The following SCYL1 variants were observed in gnomAD, a reference collection of about 807,000 sequenced individuals.
The protein encoded by SCYL1 is SCY1 like pseudokinase 1.
Under a neutral mutation model 94.8 loss-of-function variants are expected in SCYL1, and 85 were observed. The ratio of observed to expected loss-of-function variants is 0.90; its 90% confidence interval spans 0.75 to 1.07. SCYL1 has a LOEUF of 1.07. Ranked by LOEUF, SCYL1 falls within the 50% of genes least tolerant of loss-of-function variation. SCYL1 has a pLI of 0.00. For synonymous variants in SCYL1, 459 were observed against 435.5 expected, an observed-to-expected ratio of 1.05 and a Z score of -0.67; for missense variants, 968 against 1,083.3, an observed-to-expected ratio of 0.89 and a Z score of 1.49.
Position 65,538,473 on chromosome 11 carries a change from G to T in SCYL1, c.2334G>T (p.Lys778Asn). 1 of 1,581,862 alleles carries T rather than the reference G, an allele frequency of 6.3e-7. No individual in the cohort carries two copies. The change falls in exon 18 of 18, where the codon AAG (lysine) becomes AAT (asparagine). Residue 778 changes from lysine to asparagine, a missense_variant. By Grantham distance (94) the Lys-to-Asn change is moderately conservative. Coordinates refer to ENST00000270176, the MANE Select transcript of SCYL1 (RefSeq NM_020680.4). ...RQVKAELARK[K>N]REERRREMEA... ...TCAAGGCTGAGCTGGCCCGGAAGAA[G>T]CGCGAGGAGCGGCGGCGGGAGATGG...
chr11:65,535,014 G>A, intron 9 of SCYL1: 2 of 595,732 alleles, frequency 3.4e-6, no homozygotes, highest in East Asian at 5.7e-5. Context: ...ATGGGAAACA[G>A]GAGTGCAGAC....
intron 13 of SCYL1, 32 bp from the exon 14 acceptor site, chr11:65,536,954 C>T: frequency 6.3e-7 from 1 of 1,586,058 alleles, no homozygotes; most frequent in African/African-American, 1.3e-5. Flanking sequence ...CCCAAGACCC[C>T]CCTGAAAGCT....
At chr11:65,527,818 G>A (rs1489527480) in intron 6 of SCYL1, among the ~76,000 whole-genome samples, 1 of 151,938 alleles carries the variant, frequency 6.6e-6, no homozygotes, top group African/African-American at 2.4e-5. Flanking sequence ...AAACACTTCT[G>A]GTCCCAAACA....
rs979098491 is a variant in SCYL1 at position 65,538,179 on chromosome 11, C to T, written c.2244C>T (p.Thr748=). ...CTACCCTGTCTGCACGTCCCAGCACCCAGGTACCCAGCACAGGTCTGGCGA... is the reference window on the plus strand; with the variant it reads ...CTACCCTGTCTGCACGTCCCAGCACTCAGGTACCCAGCACAGGTCTGGCGA... The part of the protein sequence containing the change: ...PFATLSARPS[T]QPRPDSWGED... The change falls in exon 16 of 18, where the codon ACC becomes ACT. Residue 748 remains threonine (T), a synonymous_variant. Coordinates refer to ENST00000270176, the MANE Select transcript of SCYL1 (RefSeq NM_020680.4). The T allele has an allele frequency of 1.9e-6, 3 of 1,580,916 alleles. No individual in the cohort carries two copies. In the African/African-American group the frequency reaches 4.0e-5, roughly 21 times the overall value.
chr11:65,525,113 C>T lies in SCYL1; in HGVS notation c.-41C>T, dbSNP rs900184068. ...GCCCCGGCTCGGGCGGCCGGAGGAC[C>T]CGGAGCTAAGGCGCCCGAACCCGCG... On this transcript the variant is annotated 5_prime_UTR_variant, in exon 1 of 18. Coordinates refer to ENST00000270176, the MANE Select transcript of SCYL1 (RefSeq NM_020680.4). 6 of 1,269,482 alleles carry T rather than the reference C, an allele frequency of 4.7e-6. No homozygotes were observed. The Admixed American group carries it at 1.7e-4, about 36-fold the overall frequency. The allele number at this position is 1,269,482 out of a possible 1,614,324, so 78.6% of individuals were successfully genotyped here.
intron 9 of SCYL1, among the ~76,000 whole-genome samples, chr11:65,533,544 C>T (rs775303756): frequency 1.3e-5 from 2 of 152,136 alleles, no homozygotes; most frequent in African/African-American, 2.4e-5. Flanking sequence ...TTTGGTAGGC[C>T]GAGGTGGGAG....
intron 6 of SCYL1, 79 bp downstream of exon 6, chr11:65,527,196 A>AT: frequency 6.7e-7 from 1 of 1,499,450 alleles, no homozygotes. Flanking sequence ...GTACCTCACA[A>AT]TTGACCCTCA....
chr11:65,529,724 C>T lies in SCYL1; in HGVS notation c.850-905C>T, dbSNP rs568404089. On this transcript the variant is annotated intron_variant, in intron 6 of 17. Coordinates refer to ENST00000270176, the MANE Select transcript of SCYL1 (RefSeq NM_020680.4). ...ATGACCCCTGCCTGGCCACTCTTGG[C>T]TGCTGACCTTGACCCTCTGTCTCCT... Among the ~76,000 whole-genome samples, 6 of 152,334 alleles carry T rather than the reference C, an allele frequency of 3.9e-5. No individual in the cohort carries two copies. In the South Asian group the frequency reaches 1.2e-3, roughly 32 times the overall value.
At chr11:65,531,473 CA>C (rs1457277735) in intron 7 of SCYL1, 102 bp from the exon 8 acceptor site, 1 of 808,630 alleles carries the variant, frequency 1.2e-6, no homozygotes, top group African/African-American at 1.7e-5. Context: ...CCTCCGCCAT[CA>C]CTTCATTCCC....
chr11:65,530,594 G>A, intron 6 of SCYL1, 35 bp from the exon 7 acceptor site: 4 of 1,594,638 alleles, frequency 2.5e-6, no homozygotes, highest in Non-Finnish European at 3.4e-6. Flanking sequence ...CAACCAGGCT[G>A]ATCTCTTCCC....
Position 65,535,216 on chromosome 11 carries a change from C to A in SCYL1, c.1231-11C>A, listed in dbSNP as rs751081540. Reference sequence around the variant, plus strand: ...CACAGCCCACAGTTCCCACTCATTTCTGCCCCACAGTCCATGCTGCTCCTG... The same window carrying A: ...CACAGCCCACAGTTCCCACTCATTTATGCCCCACAGTCCATGCTGCTCCTG... On this transcript the variant is annotated splice_polypyrimidine_tract_variant and intron_variant, in intron 9 of 17. Transcript: ENST00000270176. 1.2e-6 allele frequency: 2 copies of A among 1,612,744 alleles called. No individual in the cohort carries two copies. The highest frequency in any genetic ancestry group is 1.1e-5 in the South Asian group (1 of 91,056).
At chr11:65,527,905 T>C (rs1361816658) in intron 6 of SCYL1, among the ~76,000 whole-genome samples, 1 of 152,178 alleles carries the variant, frequency 6.6e-6, no homozygotes. Flanking sequence ...ATGTGTGGTA[T>C]AGTGTTCTGT....
intron 7 of SCYL1, among the ~76,000 whole-genome samples, 185 bp from the exon 8 acceptor site, chr11:65,531,391 G>T (rs684686): frequency 0.014 from 2,158 of 152,252 alleles, 34 homozygotes; most frequent in Admixed American, 0.034. Context: ...AGAGGCCTTG[G>T]CCCAGAAAGG....
intron 2 of SCYL1, 92 bp downstream of exon 2, chr11:65,525,806 G>A: frequency 6.3e-7 from 1 of 1,581,894 alleles, no homozygotes; most frequent in South Asian, 1.2e-5. Flanking sequence ...CACCCTATGT[G>A]CCCCAGCACC....
In SCYL1 at chr11:65,538,101, C is replaced by T; in HGVS notation, c.2166C>T (p.Ala722=). The T allele has an allele frequency of 1.9e-6, 3 of 1,604,850 alleles. No homozygotes were observed. Among genetic ancestry groups the T allele is most frequent in the Non-Finnish European group, 1.7e-6 (2 of 1,176,402 alleles). Residue 722 remains alanine (A), a synonymous_variant, in exon 16 of 18, where the codon GCC becomes GCT. Transcript: ENST00000270176. ...CACCTCCTGACGGTACACGGCTGGC[C>T]AGCGAGTATAACTGGGGTGGCCCAG... ...QEPPPDGTRL[A]SEYNWGGPES... is the part of the protein sequence containing the mutation.
At chr11:65,535,034 A>G in intron 9 of SCYL1, 193 bp from the exon 10 acceptor site, 1 of 637,586 alleles carries the variant, frequency 1.6e-6, no homozygotes, top group South Asian at 2.0e-5. Context: ...CAGACTTTGG[A>G]GGTTTTGCTG....
At chr11:65,535,661 A>G (rs1855599032) in intron 10 of SCYL1, 2 of 584,498 alleles carry the variant, frequency 3.4e-6, no homozygotes, top group South Asian at 4.6e-5. Context: ...GTGCCCAGAC[A>G]GTTAACAGGA....
rs758252252 is a variant in SCYL1 at position 65,536,079 on chromosome 11, C to T, written c.1513C>T (p.Gln505Ter). The T allele has an allele frequency of 6.2e-7, 1 of 1,614,214 alleles. No individual in the cohort carries two copies. Among genetic ancestry groups the T allele is most frequent in the Non-Finnish European group, 8.5e-7 (1 of 1,180,032 alleles). Residue 505 changes from glutamine to a stop codon, truncating the protein, a stop_gained, in exon 11 of 18, where the codon CAG becomes TAG. Coordinates refer to ENST00000270176, the MANE Select transcript of SCYL1 (RefSeq NM_020680.4). LOFTEE classifies it high-confidence loss of function. ...HNLYSMNDCA[Q>*]KILPVLCGLT... ...CCTCTACTCAATGAACGACTGTGCC[C>T]AGAAGATCCTGCCTGTGCTCTGCGG...
chr11:65,525,397 C>T, intron 1 of SCYL1, 133 bp downstream of exon 1: 1 of 1,032,254 alleles, frequency 9.7e-7, no homozygotes, highest in Non-Finnish European at 1.3e-6. Context: ...AGGGGGCGGG[C>T]AGTGCCTACG....
Sources: gnomAD v4.1 joint callset for allele counts (sites outside exome capture counted in the v4.1 genomes callset) on GRCh38, gnomAD v4.1.1 for gene constraint, MANE v1.5 for transcripts, NCBI Gene and HGNC (gene_info 2026-07-23, HGNC 2026-07-21) for gene names.